The following DCAF8L2 variants were observed in gnomAD, a reference collection of about 807,000 sequenced individuals.
DCAF8L2 encodes DDB1- and CUL4-associated factor 8-like protein 2.
For synonymous variants in DCAF8L2, 200 were observed against 190.9 expected (o/e 1.05, Z -0.39); for missense variants, 430 against 490.7 (o/e 0.88, Z 1.17).
chrX:27,595,075 TA>T (rs1436986480), intron 1 of DCAF8L2, among the ~76,000 whole-genome samples: 9 of 110,926 alleles, frequency 8.1e-5, no homozygotes, highest in African/African-American at 2.6e-4. Flanking sequence ...TCTATTTCTC[TA>T]TTCTCCTCCT....
intron 2 of DCAF8L2, among the ~76,000 whole-genome samples, chrX:27,634,193 C>T (rs937935576): frequency 3.6e-5 from 4 of 111,588 alleles, no homozygotes; most frequent in Non-Finnish European, 7.5e-5. Flanking sequence ...CCTAACTTGT[C>T]TCCCCACCTC....
the DCAF8L2 span, among the ~76,000 whole-genome samples, chrX:27,532,466 T>C: frequency 9.8e-5 from 11 of 111,700 alleles, no homozygotes; most frequent in South Asian, 3.7e-4. Context: ...GTCCTATTAA[T>C]GGAAGAGTAA....
chrX:27,709,891 T>G (rs1485479522), intron 3 of DCAF8L2, among the ~76,000 whole-genome samples: 1 of 111,706 alleles, frequency 9.0e-6, no homozygotes, highest in Non-Finnish European at 1.9e-5. Context: ...TATTTTTTTT[T>G]GCTTTATGAT....
the DCAF8L2 span, among the ~76,000 whole-genome samples, chrX:27,525,533 G>A: frequency 4.5e-4 from 50 of 111,439 alleles, no homozygotes; most frequent in African/African-American, 1.5e-3. Flanking sequence ...TTTACATTTA[G>A]GGTTAATATT....
At chrX:27,528,064 T>C in the DCAF8L2 span, among the ~76,000 whole-genome samples, 2 of 106,179 alleles carry the variant, frequency 1.9e-5, no homozygotes, top group African/African-American at 6.9e-5. Context: ...TAAATTAAAT[T>C]TTTAATTTAA....
the DCAF8L2 span, among the ~76,000 whole-genome samples, chrX:27,528,560 A>T: frequency 9.4e-6 from 1 of 106,227 alleles, no homozygotes; most frequent in Non-Finnish European, 1.9e-5. Context: ...AATGTTTATA[A>T]CTTTAATGAC....
At chrX:27,477,426 T>TA in the DCAF8L2 span, among the ~76,000 whole-genome samples, 1 of 111,089 alleles carries the variant, frequency 9.0e-6, no homozygotes, top group Non-Finnish European at 1.9e-5. Context: ...TAGCTGGGAC[T>TA]ACAGGCGCCC....
At chrX:27,582,159 T>C in the DCAF8L2 span, among the ~76,000 whole-genome samples, 2 of 112,066 alleles carry the variant, frequency 1.8e-5, no homozygotes, top group Admixed American at 1.9e-4. Context: ...TATTTTTGAA[T>C]TGTTAATTCT....
chrX:27,721,535 A>G (rs751191153), intron 4 of DCAF8L2, among the ~76,000 whole-genome samples: 14 of 111,734 alleles, frequency 1.3e-4, no homozygotes, highest in Non-Finnish European at 2.5e-4. Context: ...ACCTAATTCT[A>G]ATCTATGGAA....
intron 1 of DCAF8L2, among the ~76,000 whole-genome samples, chrX:27,595,331 C>A (rs1926302457): frequency 9.0e-6 from 1 of 111,686 alleles, no homozygotes; most frequent in South Asian, 3.8e-4. Context: ...TGGCCAACTC[C>A]AAACTCGATT....
the DCAF8L2 span, among the ~76,000 whole-genome samples, chrX:27,528,987 T>G: frequency 2.7e-5 from 3 of 111,532 alleles, no homozygotes; most frequent in Non-Finnish European, 5.6e-5. Context: ...GTCAATGAAA[T>G]ATAACAGTGA....
intron 2 of DCAF8L2, among the ~76,000 whole-genome samples, chrX:27,676,480 A>G (rs1475770742): frequency 9.0e-6 from 1 of 111,186 alleles, no homozygotes; most frequent in Non-Finnish European, 1.9e-5. Flanking sequence ...CAATGGAACT[A>G]TGTTACCTTA....
upstream of DCAF8L2, among the ~76,000 whole-genome samples, chrX:27,588,904 T>C (rs905550982): frequency 1.8e-5 from 2 of 111,014 alleles, no homozygotes; most frequent in Non-Finnish European, 3.8e-5. Flanking sequence ...AAATAACTTA[T>C]AGAAATGACT....
chrX:27,545,021 T>C, the DCAF8L2 span, among the ~76,000 whole-genome samples: 1 of 112,139 alleles, frequency 8.9e-6, no homozygotes, highest in Non-Finnish European at 1.9e-5. Context: ...CAGTTTAAAA[T>C]CTCTGTCTCA....
At position 27,748,728 on chromosome X, in the gene DCAF8L2, T is replaced by G; in HGVS notation, c.1833T>G (p.Ser611=). The change falls in exon 5 of 5, where the codon TCT becomes TCG. Residue 611 remains serine, a synonymous_variant. Transcript: ENST00000451261. ...AEFPDEESDE[S]SSTSETSEEE... The stretch of plus-strand genomic sequence containing the variant: ...TTCCAGATGAAGAATCGGATGAGTC[T>G]TCCAGCACTTCAGAGACATCTGAGG... The G allele has an allele frequency of 5.0e-6, 6 of 1,201,700 alleles. No individual in the cohort carries two copies. The highest frequency in any genetic ancestry group is 6.7e-6 in the Non-Finnish European group (6 of 889,869).
chrX:27,748,344 G>A lies in DCAF8L2; in HGVS notation c.1449G>A (p.Glu483=). Residue 483 remains glutamate, a synonymous_variant, in exon 5 of 5, where the codon GAG becomes GAA. Coordinates refer to ENST00000451261, the MANE Select transcript of DCAF8L2 (RefSeq NM_001353450.2). ...KGVNFYGPRS[E]FVVSGSDCGH... is the part of the protein sequence containing the mutation. ...TTAATTTCTATGGCCCCAGGAGTGAGTTTGTAGTGAGCGGTAGTGATTGCG... is the reference window on the plus strand; with the variant it reads ...TTAATTTCTATGGCCCCAGGAGTGAATTTGTAGTGAGCGGTAGTGATTGCG... 8.3e-7 allele frequency: 1 copy of A among 1,208,484 alleles called. No individual in the cohort carries two copies. The highest frequency in any genetic ancestry group is 1.1e-6 in the Non-Finnish European group (1 of 893,362).
At chrX:27,525,017 G>A in the DCAF8L2 span, among the ~76,000 whole-genome samples, 3 of 112,220 alleles carry the variant, frequency 2.7e-5, no homozygotes, top group African/African-American at 9.7e-5. Flanking sequence ...TTGGTTTGGG[G>A]TGGAGAGTTC....
At chrX:27,708,485 G>A (rs1434226769) in intron 3 of DCAF8L2, among the ~76,000 whole-genome samples, 2 of 111,636 alleles carry the variant, frequency 1.8e-5, no homozygotes, top group East Asian at 5.6e-4. Flanking sequence ...TGGGAGTTTC[G>A]CCTTTCTGTC....
chrX:27,542,536 T>G, the DCAF8L2 span, among the ~76,000 whole-genome samples: 1 of 24,515 alleles, frequency 4.1e-5, no homozygotes, highest in African/African-American at 1.6e-4. Context: ...TTGCCTACTT[T>G]TTTTTTTTTT....
Sources: allele counts gnomAD v4.1 joint callset (sites outside exome capture counted in the v4.1 genomes callset), GRCh38; gene constraint gnomAD v4.1.1; transcripts MANE v1.5; gene names NCBI Gene and HGNC (gene_info 2026-07-23, HGNC 2026-07-21).